The following RSF1 variants were observed in gnomAD, a reference collection of about 807,000 sequenced individuals.
RSF1 encodes HBV pX-associated protein 8.
In RSF1, 13 loss-of-function variants were observed where a neutral mutation model predicts 145.2. That is an observed-to-expected ratio of 0.09 (90% CI 0.06 to 0.14). The LOEUF (loss-of-function observed/expected upper bound fraction) is 0.14. RSF1 is among the 10% of genes least tolerant of loss of function. The probability of loss-of-function intolerance (pLI) is 1.00; values close to 1 mark genes in which losing one functional copy is unlikely to be tolerated. For synonymous variants in RSF1, 577 were observed against 592.6 expected, an observed-to-expected ratio of 0.97 and a Z score of 0.38; for missense variants, 1,517 against 1,718.2, an observed-to-expected ratio of 0.88 and a Z score of 2.07.
Position 77,675,098 on chromosome 11 carries a change from G to T in RSF1, c.3500C>A (p.Pro1167Gln). 6.2e-7 allele frequency: 1 copy of T among 1,612,946 alleles called. No homozygotes were observed. The highest frequency in any genetic ancestry group is 1.1e-5 in the South Asian group (1 of 90,872). ...ATCATCATCGGAATATTTTTTCTTT[G>T]GGGTCTTTCTTCGCAAACGCCTGCT... ...RQSRRLRRKT[P>Q]KKKYSDDDEE... The change falls in exon 14 of 16, where the codon CCA (proline) becomes CAA (glutamine). Residue 1167 changes from proline to glutamine, a missense_variant. Physicochemically the swap from Pro to Gln is moderately conservative, Grantham distance 76 (BLOSUM62 -1). Transcript: ENST00000308488.
the RSF1 span, among the ~76,000 whole-genome samples, chr11:77,838,916 A>G: frequency 6.6e-6 from 1 of 152,142 alleles, no homozygotes; most frequent in Non-Finnish European, 1.5e-5. Context: ...GCGCCCAGCA[A>G]TACAAGTACC....
intron 8 of RSF1, among the ~76,000 whole-genome samples, chr11:77,691,922 A>G: frequency 6.6e-6 from 1 of 152,128 alleles, no homozygotes; most frequent in East Asian, 1.9e-4. Context: ...GACAGATCTC[A>G]CTCTGTCACC....
At chr11:77,672,600 A>T (rs981249952) in intron 14 of RSF1, among the ~76,000 whole-genome samples, 2 of 152,162 alleles carry the variant, frequency 1.3e-5, no homozygotes, top group African/African-American at 2.4e-5. Flanking sequence ...AAAATGACTC[A>T]ATCTGTGCAG....
intron 5 of RSF1, among the ~76,000 whole-genome samples, chr11:77,717,167 C>G (rs12275904): frequency 1.6e-5 from 1 of 64,304 alleles, no homozygotes; most frequent in African/African-American, 8.7e-5. Flanking sequence ...AAAAAAAAAA[C>G]AAAAACCAAA....
At chr11:77,692,183 G>A (rs972948823) in intron 8 of RSF1, among the ~76,000 whole-genome samples, 7 of 146,732 alleles carry the variant, frequency 4.8e-5, no homozygotes, top group South Asian at 2.1e-4. Context: ...AAGCCACCAC[G>A]CTTGGCCAAA....
Position 77,664,847 on chromosome 11 carries a change from C to A in RSF1, c.*2070G>T, listed in dbSNP as rs980154404. ...AAGTAAATGTAGCTCCTTACACAGC[C>A]CTGCTTTACTGTCTGTGAATGTAAG... is the stretch of plus-strand genomic sequence containing the variant. On this transcript the variant is annotated 3_prime_UTR_variant, in exon 16 of 16. Coordinates refer to ENST00000308488, the MANE Select transcript of RSF1 (RefSeq NM_016578.4). 1 of 152,206 alleles carries A rather than the reference C, an allele frequency of 6.6e-6. No individual in the cohort carries two copies. The highest frequency in any genetic ancestry group is 1.5e-5 in the Non-Finnish European group (1 of 68,028). The allele number at this position is 152,206 out of a possible 1,614,324, so 9.4% of individuals were successfully genotyped here.
At chr11:77,786,473 C>T (rs1659803686) in intron 1 of RSF1, among the ~76,000 whole-genome samples, 2 of 152,090 alleles carry the variant, frequency 1.3e-5, no homozygotes, top group African/African-American at 4.8e-5. Context: ...AGGAGTACCC[C>T]AAGGAACACA....
At chr11:77,813,500 C>A in intron 1 of RSF1, 1 of 891,330 alleles carries the variant, frequency 1.1e-6, no homozygotes. Context: ...TTCTCAAAGT[C>A]TTGGTAGGTA....
At chr11:77,805,545 A>C (rs1277107696) in intron 1 of RSF1, among the ~76,000 whole-genome samples, 1 of 152,222 alleles carries the variant, frequency 6.6e-6, no homozygotes, top group East Asian at 1.9e-4. Context: ...TAGTTAATTA[A>C]AGTTAATTTT....
At chr11:77,710,697 T>A (rs1960658250) in intron 5 of RSF1, among the ~76,000 whole-genome samples, 1 of 152,230 alleles carries the variant, frequency 6.6e-6, no homozygotes, top group Non-Finnish European at 1.5e-5. Flanking sequence ...TGATACTCAA[T>A]ATAAAAACTT....
chr11:77,862,440 G>A, the RSF1 span, among the ~76,000 whole-genome samples: 1 of 152,188 alleles, frequency 6.6e-6, no homozygotes, highest in East Asian at 1.9e-4. Flanking sequence ...TCAAGTCTGA[G>A]AGAGAAAAAG....
chr11:77,805,312 A>C (rs554713574), intron 1 of RSF1, among the ~76,000 whole-genome samples: 6 of 152,202 alleles, frequency 3.9e-5, no homozygotes, highest in African/African-American at 1.4e-4. Context: ...CTACTAAAAT[A>C]CAAAACTTAG....
intron 2 of RSF1, among the ~76,000 whole-genome samples, chr11:77,759,287 G>A (rs915471792): frequency 1.3e-5 from 2 of 152,200 alleles, no homozygotes; most frequent in African/African-American, 4.8e-5. Flanking sequence ...AAGGCAGGAG[G>A]ATCACTTGAG....
chr11:77,791,586 T>C (rs67241586), intron 1 of RSF1, among the ~76,000 whole-genome samples: 26,913 of 152,116 alleles, frequency 0.18, 2,982 homozygotes, highest in African/African-American at 0.29. Flanking sequence ...ATGCCTTTAA[T>C]AGCACCCAAG....
At chr11:77,800,287 T>C (rs995917081) in intron 1 of RSF1, among the ~76,000 whole-genome samples, 3 of 151,336 alleles carry the variant, frequency 2.0e-5, no homozygotes, top group Non-Finnish European at 3.0e-5. Context: ...AGGTCAGGAG[T>C]TGGAGACCAG....
the RSF1 span, among the ~76,000 whole-genome samples, chr11:77,863,849 C>A: frequency 6.6e-6 from 1 of 152,070 alleles, no homozygotes; most frequent in Non-Finnish European, 1.5e-5. Flanking sequence ...ATATGGTGGA[C>A]TTGAATCTTA....
chr11:77,688,209 T>C (rs552062496), intron 9 of RSF1, among the ~76,000 whole-genome samples: 1 of 152,266 alleles, frequency 6.6e-6, no homozygotes, highest in South Asian at 2.1e-4. Context: ...GAAGAATCGC[T>C]TGAACCCAGG....
chr11:77,869,839 A>G, the RSF1 span: 1 of 1,606,780 alleles, frequency 6.2e-7, no homozygotes, highest in East Asian at 2.2e-5. Context: ...TATGCACAGC[A>G]TTCCTGAGGA....
chr11:77,780,127 C>T (rs150625486), intron 1 of RSF1, among the ~76,000 whole-genome samples: 2 of 152,240 alleles, frequency 1.3e-5, no homozygotes, highest in African/African-American at 4.8e-5. Flanking sequence ...ATTAAACAGG[C>T]CTATATCTTC....
Sources: allele counts gnomAD v4.1 joint callset (sites outside exome capture counted in the v4.1 genomes callset), GRCh38; gene constraint gnomAD v4.1.1; transcripts MANE v1.5; gene names NCBI Gene and HGNC (gene_info 2026-07-23, HGNC 2026-07-21).